CIC: variants seen among roughly 807,000 people sequenced by gnomAD.
CIC encodes the protein capicua transcriptional repressor, also known as protein capicua homolog.
A neutral mutation model predicts 115.7 loss-of-function variants in CIC; 18 were observed. The ratio of observed to expected loss-of-function variants is 0.16; its 90% CI spans 0.11 to 0.23. The LOEUF (loss-of-function observed/expected upper bound fraction) is 0.23, where lower values mean the gene tolerates loss of function less well. CIC is among the 10% of genes least tolerant of loss of function. The pLI, the probability that CIC is intolerant of heterozygous loss-of-function variation, is 1.00. For synonymous variants in CIC, 1,076 were observed against 923.0 expected, an observed-to-expected ratio of 1.17 and a Z score of -3.01; for missense variants, 2,000 against 2,159.3, an observed-to-expected ratio of 0.93 and a Z score of 1.46.
chr19:42,287,168 C>CGGA lies in CIC; in HGVS notation c.3116_3118dup (p.Glu1039dup), dbSNP rs1568503617. On this transcript the variant is annotated inframe_insertion, in exon 4 of 21. Coordinates refer to ENST00000681038, the MANE Select transcript of CIC (RefSeq NM_001386298.1). This position sits in a 1 kb window ranked among gnomAD's most constrained non-coding sequence, Gnocchi z 8.7. ...TCTGGTAAGGGTCCGCCTCCCACCA[C>CGGA]GGAGGAGGAGGCCTCCGGCCCCCCA... 6 of 1,613,510 alleles carry CGGA rather than the reference C, an allele frequency of 3.7e-6. No individual in the cohort carries two copies. The highest frequency in any genetic ancestry group is 2.2e-5 in the East Asian group (1 of 44,876).
intron 2 of CIC, among the ~76,000 whole-genome samples, chr19:42,285,535 G>A (rs1368654923): frequency 6.6e-6 from 1 of 152,204 alleles, no homozygotes; most frequent in Non-Finnish European, 1.5e-5. Context: ...TCAGAATCAG[G>A]TCTCGAGGCC....
chr19:42,292,075 C>T lies in CIC; in HGVS notation c.5614-11C>T. 4 of 1,613,488 alleles carry T rather than the reference C, an allele frequency of 2.5e-6. No individual in the cohort carries two copies. The highest frequency in any genetic ancestry group is 2.5e-6 in the Non-Finnish European group (3 of 1,180,012). On this transcript the variant is annotated splice_polypyrimidine_tract_variant and intron_variant, in intron 12 of 20. Coordinates refer to ENST00000681038, the MANE Select transcript of CIC (RefSeq NM_001386298.1). ...CAGCTCACCCTGGCCTATGGGTGCC[C>T]TTCTCCACAGATCATCCAGCTGACC...
Position 42,295,143 on chromosome 19 carries a change from G to GGGGGGGGCCCCCCC in CIC, c.7506_7507insGGGGGGGCCCCCCC (p.Pro2503GlyfsTer31). 1 of 1,382,738 alleles carries GGGGGGGGCCCCCCC rather than the reference G, an allele frequency of 7.2e-7. No homozygotes were observed. The highest frequency in any genetic ancestry group is 9.6e-7 in the Non-Finnish European group (1 of 1,037,826). 85.7% of individuals were successfully genotyped at this position (1,382,738 alleles called of 1,614,324 possible). A position where few individuals can be genotyped will look rare whatever the true frequency, so the allele number is the denominator to read the frequency against. On this transcript the variant is annotated frameshift_variant, in exon 21 of 21. Coordinates refer to ENST00000681038, the MANE Select transcript of CIC (RefSeq NM_001386298.1). LOFTEE classifies it high-confidence loss of function. The stretch of plus-strand genomic sequence containing the variant: ...AGCCTGGCTGGGAGGGGGCTCCCCA[G>GGGGGGGGCCCCCCC]CCCTCCCCCCCACCCCCAGGTCCCT...
rs2147202216 is a variant in CIC at position 42,287,734 on chromosome 19, C to T, written c.3492+7C>T. Reference sequence around the variant, plus strand: ...CCACGACCTGGCCTTCCAGGTAACGCTGTTGCCTCTTGGCTCCTCCCAGCT... The same window carrying T: ...CCACGACCTGGCCTTCCAGGTAACGTTGTTGCCTCTTGGCTCCTCCCAGCT... On this transcript the variant is annotated splice_region_variant and intron_variant, in intron 6 of 20. Coordinates refer to ENST00000681038, the MANE Select transcript of CIC (RefSeq NM_001386298.1). The surrounding 1 kb of genome is among the most constrained non-coding windows in gnomAD (Gnocchi z 8.7). 6.2e-7 allele frequency: 1 copy of T among 1,614,194 alleles called. No individual in the cohort carries two copies. Among genetic ancestry groups the T allele is most frequent in the African/African-American group, 1.3e-5 (1 of 75,058 alleles).
At position 42,269,688 on chromosome 19, in the gene CIC, A is replaced by C. The variant is rs147641342; in HGVS notation, c.-11+307A>C. Among the ~76,000 whole-genome samples, 356 of 144,396 alleles carry C rather than the reference A, an allele frequency of 2.5e-3. 3 individuals carry two copies. Among genetic ancestry groups the C allele is most frequent in the Middle Eastern group, 0.014 (4 of 278 alleles). The allele number at this position is 144,396 out of a possible 152,430, so 94.7% of individuals were successfully genotyped here. Reference sequence around the variant, plus strand: ...AGAGGTGATGGGGAGAGAAGGTGACAGGTCCGGAGATGGCTGACAGGACAG... The same window carrying C: ...AGAGGTGATGGGGAGAGAAGGTGACCGGTCCGGAGATGGCTGACAGGACAG... On this transcript the variant is annotated intron_variant, in intron 1 of 20. Coordinates refer to ENST00000681038, the MANE Select transcript of CIC (RefSeq NM_001386298.1).
chr19:42,273,815 C>G lies in CIC; in HGVS notation c.2032C>G (p.Leu678Val). 1 of 398,850 alleles carries G rather than the reference C, an allele frequency of 2.5e-6. No individual in the cohort carries two copies. The highest frequency in any genetic ancestry group is 4.4e-6 in the Non-Finnish European group (1 of 226,228). 24.7% of individuals were successfully genotyped at this position (398,850 alleles called of 1,614,324 possible). ...GGCAGGCGTGCTGACGCCACCAGAC[C>G]TGGGCCCCCACCCACCGCCACCTGC... is the stretch of plus-strand genomic sequence containing the variant. The part of the protein sequence containing the change: ...PKAGVLTPPD[L>V]GPHPPPPAPR... The change falls in exon 2 of 21, where the codon CTG (leucine) becomes GTG (valine). Residue 678 changes from leucine (L) to valine (V), a missense_variant. Physicochemically the swap from Leu to Val is conservative, Grantham distance 32. This residue lies in a region of CIC where 222 missense variants were observed against 247.7 expected (regional missense o/e 0.90). Transcript: ENST00000681038.
At chr19:42,279,295 C>G (rs1480714750) in intron 2 of CIC, among the ~76,000 whole-genome samples, 1 of 152,160 alleles carries the variant, frequency 6.6e-6, no homozygotes, top group Non-Finnish European at 1.5e-5. Context: ...CTGCCAGGCC[C>G]AGGGCTGAGC....
In CIC at chr19:42,292,767, C is replaced by G. The variant is rs1386219195; in HGVS notation, c.6104C>G (p.Thr2035Arg). The change falls in exon 15 of 21, where the codon ACA becomes AGA. Residue 2035 changes from threonine (T) to arginine (R), a missense_variant. Thr to Arg is a moderately conservative substitution (Grantham distance 71). This residue lies in a region of CIC where 1,466 missense variants were observed against 1,390.4 expected (regional missense o/e 1.05). Transcript: ENST00000681038. ...CTGGTCTACACTGTGGCCACCAGCA[C>G]AACCCCACCTGCAGCCACCATTCTG... is the stretch of plus-strand genomic sequence containing the variant. Reference protein sequence around the residue: ...PSLVYTVATSTTPPAATILPK... With the variant: ...PSLVYTVATSRTPPAATILPK... 6.2e-7 allele frequency: 1 copy of G among 1,613,778 alleles called. No homozygotes were observed. Among genetic ancestry groups the G allele is most frequent in the Non-Finnish European group, 8.5e-7 (1 of 1,179,952 alleles).
Position 42,291,412 on chromosome 19 carries a change from C to T in CIC, c.5371C>T (p.Pro1791Ser), listed in dbSNP as rs1356819807. The change falls in exon 11 of 21, where the codon CCC becomes TCC. Residue 1791 changes from proline to serine, a missense_variant. This residue lies in a region of CIC where 1,466 missense variants were observed against 1,390.4 expected (regional missense o/e 1.05). Coordinates refer to ENST00000681038, the MANE Select transcript of CIC (RefSeq NM_001386298.1). ...TNGKVLAATA[P>S]TPGIPILQSV... is the part of the protein sequence containing the mutation. ...CGGCAAAGTCCTGGCTGCCACTGCA[C>T]CCACTCCTGGCATCCCCATCCTGCA... 2.5e-6 allele frequency: 4 copies of T among 1,613,012 alleles called. No individual in the cohort carries two copies. Among genetic ancestry groups the T allele is most frequent in the Admixed American group, 1.7e-5 (1 of 60,024 alleles).
intron 12 of CIC, 40 bp downstream of exon 12, chr19:42,291,785 C>G (rs1209642601): frequency 6.2e-7 from 1 of 1,605,854 alleles, no homozygotes; most frequent in Non-Finnish European, 8.5e-7. Context: ...GGATGTTGGC[C>G]CCTGTACCCC....
chr19:42,294,397 T>C, intron 19 of CIC, 93 bp downstream of exon 19: 1 of 1,587,484 alleles, frequency 6.3e-7, no homozygotes, highest in Non-Finnish European at 8.6e-7. Context: ...GTAGGGTGGG[T>C]CCATCCAGGC....
At position 42,292,951 on chromosome 19, in the gene CIC, A is replaced by G; in HGVS notation, c.6197-5A>G. ...TGGCTCAGCAAACAATTTTCTCCCC[A>G]CTAGCAGGTTCCATGACCTACAGCT... is the stretch of plus-strand genomic sequence containing the variant. On this transcript the variant is annotated splice_region_variant and splice_polypyrimidine_tract_variant and intron_variant, in intron 15 of 20. Transcript: ENST00000681038. 1.2e-6 allele frequency: 2 copies of G among 1,613,578 alleles called. No individual in the cohort carries two copies. The highest frequency in any genetic ancestry group is 1.7e-5 in the Admixed American group (1 of 60,002).
intron 2 of CIC, among the ~76,000 whole-genome samples, chr19:42,283,533 C>T (rs1279221580): frequency 2.6e-5 from 4 of 152,042 alleles, no homozygotes; most frequent in African/African-American, 9.7e-5. Context: ...ATGGGTGTGG[C>T]ACGAAAGTGT....
At chr19:42,289,113 T>G (rs755127881) in intron 8 of CIC, 23 bp downstream of exon 8, 3 of 1,613,210 alleles carry the variant, frequency 1.9e-6, no homozygotes, top group Non-Finnish European at 2.5e-6. Context: ...GGCCCCCTAG[T>G]GGGGGTGGGC....
At position 42,282,647 on chromosome 19, in the gene CIC, A is replaced by G. The variant is rs141724629; in HGVS notation, c.2795-4124A>G. On this transcript the variant is annotated intron_variant, in intron 2 of 20. Transcript: ENST00000681038. ...CCACCCTGAGGTTAAGCCTTGAGTAATGGAAACAGCACTTGAGTTAGAGCT... is the reference window on the plus strand; with the variant it reads ...CCACCCTGAGGTTAAGCCTTGAGTAGTGGAAACAGCACTTGAGTTAGAGCT... Among the ~76,000 whole-genome samples the G allele has an allele frequency of 3.9e-5, 6 of 152,354 alleles. No homozygotes were observed. The East Asian group carries it at 1.2e-3, about 29-fold the overall frequency.
Position 42,289,187 on chromosome 19 carries a change from T to A in CIC, c.3868T>A (p.Ser1290Thr). Residue 1290 changes from serine (S) to threonine (T), a missense_variant, in exon 9 of 21, where the codon TCT (serine) becomes ACT (threonine). Ser to Thr is a moderately conservative substitution (Grantham distance 58). Transcript: ENST00000681038. ...QALQELTQMV[S>T]GPASYSGPKP... ...TCTGCCACCTATCCTGCAGATGGTGTCTGGCCCTGCATCGTACTCTGGCCC... is the reference window on the plus strand; with the variant it reads ...TCTGCCACCTATCCTGCAGATGGTGACTGGCCCTGCATCGTACTCTGGCCC... The A allele has an allele frequency of 6.2e-7, 1 of 1,613,328 alleles. No homozygotes were observed. Among genetic ancestry groups the A allele is most frequent in the Non-Finnish European group, 8.5e-7 (1 of 1,180,022 alleles).
rs551970875 is a variant in CIC at position 42,290,567 on chromosome 19, G to A, written c.4526G>A (p.Arg1509His). 3.1e-5 allele frequency: 50 copies of A among 1,613,630 alleles called. No homozygotes were observed. The highest frequency in any genetic ancestry group is 2.2e-4 in the Admixed American group (13 of 60,010). ...FLPMDPATFR[R>H]KRPESVGGLE... is the part of the protein sequence containing the mutation. ...CCAATGGATCCTGCCACCTTCCGGC[G>A]CAAGAGACCCGAAAGTGTGGGTGGC... The change falls in exon 11 of 21, where the codon CGC becomes CAC. Residue 1509 changes from arginine (R) to histidine (H), a missense_variant. By Grantham distance (29) the Arg-to-His change is conservative. Around this residue, in one of 8 missense-constraint regions of CIC, gnomAD observed 1,466 missense variants for 1,390.4 expected, o/e 1.05. Coordinates refer to ENST00000681038, the MANE Select transcript of CIC (RefSeq NM_001386298.1).
At chr19:42,285,638 G>C (rs1385089123) in intron 2 of CIC, among the ~76,000 whole-genome samples, 1 of 152,204 alleles carries the variant, frequency 6.6e-6, no homozygotes, top group Admixed American at 6.5e-5. Context: ...GGAAGGCCTG[G>C]AATGATGGAG....
chr19:42,284,595 C>G (rs1038125124), intron 2 of CIC: 3 of 503,420 alleles, frequency 6.0e-6, no homozygotes, highest in Middle Eastern at 6.0e-4. Context: ...GCGACGGCCT[C>G]CCGCTCCCCC....
Sources: gnomAD v4.1 joint callset for allele counts (sites outside exome capture counted in the v4.1 genomes callset) on GRCh38, gnomAD v4.1.1 for gene constraint, gnomAD v4.1.1 regional missense constraint, Gnocchi (gnomAD v3.1) non-coding constraint, MANE v1.5 for transcripts, NCBI Gene and HGNC (gene_info 2026-07-23, HGNC 2026-07-21) for gene names.